The following DEGS1 variants were observed in gnomAD, a reference collection of about 807,000 sequenced individuals.
DEGS1 encodes the protein sphingolipid delta(4)-desaturase DES1.
Under a neutral mutation model 24.1 loss-of-function variants are expected in DEGS1, and 17 were observed. The ratio of observed to expected loss-of-function variants is 0.70; its 90% CI spans 0.48 to 1.06. DEGS1 has a LOEUF of 1.06. Ranked by LOEUF, DEGS1 falls within the 50% of genes least tolerant of loss-of-function variation. DEGS1 has a pLI of 0.00. For synonymous variants in DEGS1, 134 were observed against 140.0 expected (o/e 0.96, Z 0.30); for missense variants, 366 against 408.9 (o/e 0.90, Z 0.91).
chr1:224,185,285 A>T (rs1000998578), intron 1 of DEGS1, among the ~76,000 whole-genome samples: 1 of 151,700 alleles, frequency 6.6e-6, no homozygotes, highest in Non-Finnish European at 1.5e-5. Flanking sequence ...AAGCCACTGC[A>T]CCCGGTAACT....
Position 224,183,405 on chromosome 1 carries a change from C to T in DEGS1, c.69C>T (p.Arg23=). The T allele has an allele frequency of 1.4e-6, 2 of 1,427,072 alleles. No individual in the cohort carries two copies. The highest frequency in any genetic ancestry group is 1.9e-6 in the Non-Finnish European group (2 of 1,080,496). The allele number at this position is 1,427,072 out of a possible 1,614,324, so 88.4% of individuals were successfully genotyped here. A position where few individuals can be genotyped will look rare whatever the true frequency, so the allele number is the denominator to read the frequency against. ...VYTDQPHADR[R]REILAKYPEI... is the part of the protein sequence containing the mutation. Reference sequence around the variant, plus strand: ...CCGACCAGCCGCACGCCGACCGGCGCCGGGAGATCCTGGGTGAGGGCCAGC... The same window carrying T: ...CCGACCAGCCGCACGCCGACCGGCGTCGGGAGATCCTGGGTGAGGGCCAGC... Residue 23 remains arginine (R), a synonymous_variant, in exon 1 of 3, where the codon CGC becomes CGT. Coordinates refer to ENST00000323699, the MANE Select transcript of DEGS1 (RefSeq NM_003676.4).
chr1:224,190,417 G>A, intron 2 of DEGS1, 98 bp downstream of exon 2: 1 of 1,112,094 alleles, frequency 9.0e-7, no homozygotes, highest in Non-Finnish European at 1.2e-6. Flanking sequence ...GCGGGCAGTG[G>A]CACGATCTCG....
chr1:224,190,424 C>A, intron 2 of DEGS1, 105 bp downstream of exon 2: 1 of 1,008,372 alleles, frequency 9.9e-7, no homozygotes, highest in Non-Finnish European at 1.4e-6. Context: ...GTGGCACGAT[C>A]TCGGCTCACT....
chr1:224,190,610 A>G (rs1572044011), intron 2 of DEGS1, among the ~76,000 whole-genome samples: 1 of 151,928 alleles, frequency 6.6e-6, no homozygotes, highest in African/African-American at 2.4e-5. Flanking sequence ...AAAAAAAAAA[A>G]AAACAAAAAG....
chr1:224,189,953 C>T lies in DEGS1; in HGVS notation c.459C>T (p.Phe153=). ...CTACCGATTTTGAGGGCTGGTTCTT[C>T]TGTACCGCTTTCAGAAAGTTTATAT... ...DIPTDFEGWF[F]CTAFRKFIWV... The change falls in exon 2 of 3, where the codon TTC becomes TTT. Residue 153 remains phenylalanine (F), a synonymous_variant. Coordinates refer to ENST00000323699, the MANE Select transcript of DEGS1 (RefSeq NM_003676.4). 6.2e-7 allele frequency: 1 copy of T among 1,614,228 alleles called. No individual in the cohort carries two copies. Among genetic ancestry groups the T allele is most frequent in the South Asian group, 1.1e-5 (1 of 91,090 alleles).
At chr1:224,185,288 C>G (rs1183864042) in intron 1 of DEGS1, among the ~76,000 whole-genome samples, 2 of 152,136 alleles carry the variant, frequency 1.3e-5, no homozygotes, top group East Asian at 3.9e-4. Context: ...CCACTGCACC[C>G]GGTAACTTTG....
At position 224,183,250 on chromosome 1, in the gene DEGS1, C is replaced by G. The variant is rs1043281485; in HGVS notation, c.-87C>G. ...CCACAGCCGGCCGACACCACACCAGCCGGGGAGCCGCCGCCGCCGCCGCCA... is the reference window on the plus strand; with the variant it reads ...CCACAGCCGGCCGACACCACACCAGGCGGGGAGCCGCCGCCGCCGCCGCCA... On this transcript the variant is annotated 5_prime_UTR_variant, in exon 1 of 3. Transcript: ENST00000323699. The G allele has an allele frequency of 4.5e-5, 57 of 1,260,234 alleles. No individual in the cohort carries two copies. Among genetic ancestry groups the G allele is most frequent in the Non-Finnish European group, 5.6e-5 (52 of 936,576 alleles). 78.1% of individuals were successfully genotyped at this position (1,260,234 alleles called of 1,614,324 possible).
intron 1 of DEGS1, among the ~76,000 whole-genome samples, chr1:224,186,505 A>C (rs534304204): frequency 6.6e-6 from 1 of 152,188 alleles, no homozygotes; most frequent in East Asian, 1.9e-4. Context: ...TGAGGTCAGG[A>C]GATCGAGACC....
intron 1 of DEGS1, among the ~76,000 whole-genome samples, chr1:224,185,801 A>G (rs1254073836): frequency 1.3e-5 from 2 of 152,110 alleles, no homozygotes; most frequent in African/African-American, 4.8e-5. Context: ...GCCACATATG[A>G]TATATTTTAT....
chr1:224,186,557 C>CA (rs1658398428), intron 1 of DEGS1, among the ~76,000 whole-genome samples: 1 of 151,768 alleles, frequency 6.6e-6, no homozygotes, highest in Admixed American at 6.6e-5. Flanking sequence ...ACTAAAAATA[C>CA]AAAAAATTAG....
intron 1 of DEGS1, among the ~76,000 whole-genome samples, chr1:224,187,264 C>T (rs1344141350): frequency 6.6e-6 from 1 of 151,604 alleles, no homozygotes; most frequent in Admixed American, 6.6e-5. Flanking sequence ...GCTGAGATCT[C>T]ACCATTGCAC....
chr1:224,188,329 G>GT (rs1427516316), intron 1 of DEGS1, among the ~76,000 whole-genome samples: 1 of 151,930 alleles, frequency 6.6e-6, no homozygotes, highest in Admixed American at 6.6e-5. Context: ...ATATTTTAAG[G>GT]TTCATTCATG....
chr1:224,185,930 C>CT (rs994773933), intron 1 of DEGS1, among the ~76,000 whole-genome samples: 87 of 151,904 alleles, frequency 5.7e-4, no homozygotes, highest in African/African-American at 1.8e-3. Flanking sequence ...GGTGTGGTGG[C>CT]TTTTTTTTGC....
In DEGS1 at chr1:224,183,258, C is replaced by G. The variant is rs1030882736; in HGVS notation, c.-79C>G. 4.3e-5 allele frequency: 50 copies of G among 1,171,682 alleles called. No individual in the cohort carries two copies. In the African/African-American group the frequency reaches 7.6e-4, roughly 18 times the overall value. 72.6% of individuals were successfully genotyped at this position (1,171,682 alleles called of 1,614,324 possible). On this transcript the variant is annotated 5_prime_UTR_variant, in exon 1 of 3. Transcript: ENST00000323699. ...GGCCGACACCACACCAGCCGGGGAG[C>G]CGCCGCCGCCGCCGCCACCTCTGAG...
intron 1 of DEGS1, among the ~76,000 whole-genome samples, chr1:224,188,505 A>G (rs779040175): frequency 8.5e-5 from 13 of 152,074 alleles, no homozygotes; most frequent in Admixed American, 2.6e-4. Flanking sequence ...ATTTCTCCAC[A>G]TCCTTGTTTT....
intron 1 of DEGS1, among the ~76,000 whole-genome samples, chr1:224,188,311 A>G (rs1042864659): frequency 6.6e-6 from 1 of 152,162 alleles, no homozygotes; most frequent in Non-Finnish European, 1.5e-5. Flanking sequence ...TAATATTTCA[A>G]TAAAATAATA....
chr1:224,189,597 T>A lies in DEGS1; in HGVS notation c.103T>A (p.Ser35Thr), dbSNP rs933768173. Residue 35 changes from serine (S) to threonine (T), a missense_variant, in exon 2 of 3, where the codon TCC becomes ACC. Physicochemically the swap from Ser to Thr is moderately conservative, Grantham distance 58. Transcript: ENST00000323699. ...TACAGCAAAGTATCCAGAGATAAAG[T>A]CCTTGATGAAACCTGATCCCAATTT... Reference protein sequence around the residue: ...EILAKYPEIKSLMKPDPNLIW... With the variant: ...EILAKYPEIKTLMKPDPNLIW... 1 of 1,602,364 alleles carries A rather than the reference T, an allele frequency of 6.2e-7. No homozygotes were observed. The highest frequency in any genetic ancestry group is 8.5e-7 in the Non-Finnish European group (1 of 1,175,162).
chr1:224,184,970 T>TACACACACACACAC (rs58790626), intron 1 of DEGS1, among the ~76,000 whole-genome samples: 3 of 148,582 alleles, frequency 2.0e-5, no homozygotes, highest in African/African-American at 7.5e-5. Flanking sequence ...GCCCCCCGTT[T>TACACACACACACAC]ACACACACAC....
At chr1:224,187,954 A>AT (rs1658436983) in intron 1 of DEGS1, among the ~76,000 whole-genome samples, 2 of 98,510 alleles carry the variant, frequency 2.0e-5, no homozygotes, top group African/African-American at 3.3e-5. Flanking sequence ...GCATAATATA[A>AT]ATTTTTTTTT....
Sources: allele counts gnomAD v4.1 joint callset (sites outside exome capture counted in the v4.1 genomes callset), GRCh38; gene constraint gnomAD v4.1.1; transcripts MANE v1.5; gene names NCBI Gene and HGNC (gene_info 2026-07-23, HGNC 2026-07-21).